The following NLK variants were observed in gnomAD, a reference collection of about 807,000 sequenced individuals.
NLK encodes the protein nemo like kinase.
Under a neutral mutation model 59.0 loss-of-function variants are expected in NLK, and 11 were observed. The ratio of observed to expected loss-of-function variants is 0.19; its 90% CI spans 0.12 to 0.31. The LOEUF (loss-of-function observed/expected upper bound fraction) is 0.31, where lower values mean the gene tolerates loss of function less well. NLK is among the 10% of genes least tolerant of loss of function. The pLI, the probability that NLK is intolerant of heterozygous loss-of-function variation, is 1.00. For missense variants in NLK, 410 were observed against 661.1 expected (o/e 0.62, Z 4.16); for synonymous variants, 235 against 235.9 (o/e 1.00, Z 0.03).
In NLK at chr17:28,161,147, T is replaced by C; in HGVS notation, c.645-13T>C. 6.6e-7 allele frequency: 1 copy of C among 1,518,996 alleles called. No homozygotes were observed. Among genetic ancestry groups the C allele is most frequent in the Non-Finnish European group, 9.1e-7 (1 of 1,093,336 alleles). 94.1% of individuals were successfully genotyped at this position (1,518,996 alleles called of 1,614,324 possible). On this transcript the variant is annotated splice_polypyrimidine_tract_variant and intron_variant, in intron 3 of 10. Transcript: ENST00000407008. ...CTGAATTCGCCGAACTCTCCTTAAC[T>C]TAAAACTTCAAGATATGTTGTCACA...
chr17:28,143,043 CTTT>C (rs527832848), intron 3 of NLK, among the ~76,000 whole-genome samples: 2 of 135,968 alleles, frequency 1.5e-5, no homozygotes, highest in Non-Finnish European at 1.6e-5. Context: ...AAGATGAAAA[CTTT>C]TTTTTTTTTT....
At chr17:28,160,132 A>T (rs1907943019) in intron 3 of NLK, among the ~76,000 whole-genome samples, 2 of 152,196 alleles carry the variant, frequency 1.3e-5, no homozygotes, top group African/African-American at 4.8e-5. Flanking sequence ...ATGGCACTGG[A>T]TCCGAGTATC....
chr17:28,060,472 A>G (rs911115999), intron 1 of NLK, among the ~76,000 whole-genome samples: 2 of 152,160 alleles, frequency 1.3e-5, no homozygotes, highest in Non-Finnish European at 2.9e-5. Flanking sequence ...GGGTTTCACT[A>G]TGTTGCCCAG....
At chr17:28,135,836 G>T (rs553871189) in intron 3 of NLK, among the ~76,000 whole-genome samples, 1 of 152,276 alleles carries the variant, frequency 6.6e-6, no homozygotes, top group African/African-American at 2.4e-5. Flanking sequence ...TTGGTACTTG[G>T]TTTGAAAACT....
chr17:28,101,678 C>T (rs1904906774), intron 1 of NLK, among the ~76,000 whole-genome samples: 1 of 152,106 alleles, frequency 6.6e-6, no homozygotes, highest in Admixed American at 6.5e-5. Context: ...TCTAGTAGCT[C>T]TTTGTATGTT....
chr17:28,122,360 A>C (rs1906102089), intron 1 of NLK, among the ~76,000 whole-genome samples: 1 of 152,142 alleles, frequency 6.6e-6, no homozygotes, highest in Non-Finnish European at 1.5e-5. Flanking sequence ...TGTTTATAGA[A>C]ATTTAGACAG....
At chr17:28,089,729 G>A (rs1904416695) in intron 1 of NLK, among the ~76,000 whole-genome samples, 1 of 152,002 alleles carries the variant, frequency 6.6e-6, no homozygotes, top group Non-Finnish European at 1.5e-5. Context: ...CTGTTACTTA[G>A]TATGGTTAGT....
chr17:28,046,266 G>A (rs1909047643), intron 1 of NLK, among the ~76,000 whole-genome samples: 1 of 152,216 alleles, frequency 6.6e-6, no homozygotes, highest in South Asian at 2.1e-4. Context: ...TAACTTATCA[G>A]TATTGGACAG....
chr17:28,105,101 T>C (rs1030414599), intron 1 of NLK, among the ~76,000 whole-genome samples: 2 of 152,214 alleles, frequency 1.3e-5, no homozygotes, highest in East Asian at 1.9e-4. Flanking sequence ...CAGACTATTT[T>C]CCTGTTTTCA....
intron 1 of NLK, among the ~76,000 whole-genome samples, chr17:28,051,142 T>TAAA (rs1366671937): frequency 6.6e-6 from 1 of 152,032 alleles, no homozygotes; most frequent in African/African-American, 2.4e-5. Context: ...CCATTGTATT[T>TAAA]AGCCTGATAG....
chr17:28,116,282 C>T, intron 1 of NLK: 1 of 202,506 alleles, frequency 4.9e-6, no homozygotes. Flanking sequence ...CTGATGGAAA[C>T]ACTGGCAGCA....
downstream of NLK, among the ~76,000 whole-genome samples, chr17:28,198,634 A>AT (rs1025963401): frequency 1.3e-5 from 2 of 150,994 alleles, no homozygotes; most frequent in Admixed American, 1.3e-4. Context: ...CATCTTCACT[A>AT]TTTTTTTTTC....
chr17:28,154,879 A>G (rs1432561402), intron 3 of NLK, among the ~76,000 whole-genome samples: 1 of 152,044 alleles, frequency 6.6e-6, no homozygotes, highest in African/African-American at 2.4e-5. Context: ...TAACAATACA[A>G]AAATTAGTCG....
downstream of NLK, among the ~76,000 whole-genome samples, chr17:28,198,821 T>C (rs577263251): frequency 4.6e-5 from 7 of 152,210 alleles, no homozygotes; most frequent in Non-Finnish European, 7.3e-5. Context: ...TATAGAGACC[T>C]CACCTCTTGC....
intron 7 of NLK, among the ~76,000 whole-genome samples, chr17:28,180,200 G>T (rs1567738882): frequency 6.6e-6 from 1 of 152,104 alleles, no homozygotes; most frequent in Non-Finnish European, 1.5e-5. Flanking sequence ...ATTTGTTGAG[G>T]TGTCCTTCTA....
At chr17:28,069,154 A>G (rs1013751437) in intron 1 of NLK, among the ~76,000 whole-genome samples, 5 of 152,196 alleles carry the variant, frequency 3.3e-5, no homozygotes, top group African/African-American at 1.2e-4. Context: ...TAGATTTTAT[A>G]TAGATAGAAT....
At chr17:28,056,325 C>T (rs1387672501) in intron 1 of NLK, among the ~76,000 whole-genome samples, 1 of 152,160 alleles carries the variant, frequency 6.6e-6, no homozygotes. Context: ...AGTCTAGCTG[C>T]CTCATTTTAT....
intron 7 of NLK, among the ~76,000 whole-genome samples, chr17:28,178,138 A>G (rs1908757203): frequency 6.6e-6 from 1 of 152,292 alleles, no homozygotes; most frequent in East Asian, 1.9e-4. Flanking sequence ...TTTCTGTTCT[A>G]TATAATAAAG....
At chr17:28,092,787 AT>A in intron 1 of NLK, among the ~76,000 whole-genome samples, 5 of 148,096 alleles carry the variant, frequency 3.4e-5, no homozygotes, top group African/African-American at 1.3e-4. Flanking sequence ...ATTTTATTTT[AT>A]TTTATTTTAT....
Sources: gnomAD v4.1 joint callset for allele counts (sites outside exome capture counted in the v4.1 genomes callset) on GRCh38, gnomAD v4.1.1 for gene constraint, MANE v1.5 for transcripts, NCBI Gene and HGNC (gene_info 2026-07-23, HGNC 2026-07-21) for gene names.